Variants in HCN1 observed in about 807,000 individuals in gnomAD.
HCN1 encodes the protein potassium/sodium hyperpolarization-activated cyclic nucleotide-gated channel 1.
A neutral mutation model predicts 78.9 loss-of-function variants in HCN1; 13 were observed. That is an observed-to-expected ratio of 0.16 (90% CI 0.11 to 0.26). HCN1 has a LOEUF of 0.26. Ranked by LOEUF, HCN1 falls within the 10% of genes least tolerant of loss-of-function variation. The pLI is 1.00. For missense variants in HCN1, 810 were observed against 1,154.3 expected, an observed-to-expected ratio of 0.70 and a Z score of 4.32; for synonymous variants, 552 against 455.5, an observed-to-expected ratio of 1.21 and a Z score of -2.70.
chr5:45,562,777 A>T (rs1743631395), intron 2 of HCN1, among the ~76,000 whole-genome samples: 1 of 152,220 alleles, frequency 6.6e-6, no homozygotes, highest in South Asian at 2.1e-4. Context: ...TGCTTAACAA[A>T]TGTACGCAAA....
chr5:45,375,150 G>A (rs1379387539), intron 4 of HCN1, among the ~76,000 whole-genome samples: 28 of 106,582 alleles, frequency 2.6e-4, no homozygotes, highest in Non-Finnish European at 3.8e-4. Flanking sequence ...AATATATAAT[G>A]TATTATATAT....
chr5:45,579,920 T>C (rs1744024794), intron 2 of HCN1, among the ~76,000 whole-genome samples: 1 of 152,112 alleles, frequency 6.6e-6, no homozygotes, highest in East Asian at 1.9e-4. Context: ...AATGTTGACA[T>C]GTTAACTCCT....
chr5:45,422,452 A>C (rs1349397464), intron 3 of HCN1, among the ~76,000 whole-genome samples: 4 of 152,238 alleles, frequency 2.6e-5, no homozygotes, highest in African/African-American at 9.6e-5. Flanking sequence ...ATGTCATTGG[A>C]GCCTCTACCC....
At chr5:45,347,048 A>G (rs922031543) in intron 5 of HCN1, among the ~76,000 whole-genome samples, 4 of 152,346 alleles carry the variant, frequency 2.6e-5, no homozygotes, top group African/African-American at 4.8e-5. Context: ...ATCTGAGAAC[A>G]GGCAGACTGC....
intron 2 of HCN1, chr5:45,644,200 A>G (rs1745504101): frequency 6.6e-6 from 1 of 152,168 alleles, no homozygotes; most frequent in African/African-American, 2.4e-5. Context: ...GTATTTCTGT[A>G]GGGAGGAAAG....
At chr5:45,504,718 A>C (rs1742261800) in intron 2 of HCN1, among the ~76,000 whole-genome samples, 1 of 152,184 alleles carries the variant, frequency 6.6e-6, no homozygotes, top group Non-Finnish European at 1.5e-5. Context: ...TCCCACCAAC[A>C]GTGTAAAAGT....
intron 4 of HCN1, among the ~76,000 whole-genome samples, chr5:45,369,140 A>G (rs1326785160): frequency 6.6e-6 from 1 of 150,814 alleles, no homozygotes; most frequent in Non-Finnish European, 1.5e-5. Flanking sequence ...AGATATATTC[A>G]TGTTGTTGCA....
At chr5:45,678,201 G>A (rs557686917) in intron 1 of HCN1, among the ~76,000 whole-genome samples, 1 of 151,948 alleles carries the variant, frequency 6.6e-6, no homozygotes, top group East Asian at 1.9e-4. Flanking sequence ...ATTCCCTTAG[G>A]TGAAATATCC....
chr5:45,620,665 A>G (rs1406395602), intron 2 of HCN1, among the ~76,000 whole-genome samples: 1 of 151,988 alleles, frequency 6.6e-6, no homozygotes. Flanking sequence ...ACAAAAAATG[A>G]CCAAGCAAAT....
At position 45,305,383 on chromosome 5, in the gene HCN1, G is replaced by A. The variant is rs571320744; in HGVS notation, c.1378-1544C>T. On this transcript the variant is annotated intron_variant, in intron 5 of 7. Coordinates refer to ENST00000303230, the MANE Select transcript of HCN1 (RefSeq NM_021072.4). The stretch of plus-strand genomic sequence containing the variant: ...TATGAGTTTAGCAAAGCACAACAAT[G>A]TCTGTAATAGTGGAGCTTCATGGAA... 1.9e-4 allele frequency among the ~76,000 whole-genome samples: 29 copies of A among 152,258 alleles called. No individual in the cohort carries two copies. The South Asian group carries it at 5.6e-3, about 29-fold the overall frequency.
intron 6 of HCN1, among the ~76,000 whole-genome samples, chr5:45,282,848 T>C (rs1308171486): frequency 6.6e-6 from 1 of 152,186 alleles, no homozygotes; most frequent in African/African-American, 2.4e-5. Context: ...ATTCTTAAGG[T>C]CCTCTACATA....
At chr5:45,321,378 T>TA (rs1746123046) in intron 5 of HCN1, among the ~76,000 whole-genome samples, 1 of 151,818 alleles carries the variant, frequency 6.6e-6, no homozygotes, top group South Asian at 2.1e-4. Context: ...AAGTGGTGCT[T>TA]AGAGAGAGGA....
intron 5 of HCN1, among the ~76,000 whole-genome samples, chr5:45,336,041 T>G (rs559201228): frequency 6.6e-6 from 1 of 152,118 alleles, no homozygotes; most frequent in South Asian, 2.1e-4. Context: ...AAAAAGGATT[T>G]AAACTATCCC....
chr5:45,504,924 T>C lies in HCN1; in HGVS notation c.850-42917A>G, dbSNP rs1348071559. On this transcript the variant is annotated intron_variant, in intron 2 of 7. Coordinates refer to ENST00000303230, the MANE Select transcript of HCN1 (RefSeq NM_021072.4). Reference sequence around the variant, plus strand: ...TTTTGAGAAGTGTCTGTTCATATCCTTCGCCCACTTTTTGATGGGGTTGTT... The same window carrying C: ...TTTTGAGAAGTGTCTGTTCATATCCCTCGCCCACTTTTTGATGGGGTTGTT... Among the ~76,000 whole-genome samples the C allele has an allele frequency of 2.0e-5, 3 of 152,362 alleles. No individual in the cohort carries two copies. In the East Asian group the frequency reaches 5.8e-4, roughly 29 times the overall value.
chr5:45,586,115 C>G (rs993800179), intron 2 of HCN1, among the ~76,000 whole-genome samples: 2 of 152,134 alleles, frequency 1.3e-5, no homozygotes, highest in Admixed American at 1.3e-4. Flanking sequence ...ATGCTCTGCC[C>G]CCAGAGGTGG....
At chr5:45,506,461 T>G (rs1742303241) in intron 2 of HCN1, among the ~76,000 whole-genome samples, 1 of 152,168 alleles carries the variant, frequency 6.6e-6, no homozygotes, top group Admixed American at 6.6e-5. Flanking sequence ...AAATAACAAC[T>G]GACCACATTA....
chr5:45,553,782 T>A (rs958750217), intron 2 of HCN1, among the ~76,000 whole-genome samples: 1 of 151,970 alleles, frequency 6.6e-6, no homozygotes, highest in Non-Finnish European at 1.5e-5. Context: ...ACTACATTTT[T>A]ACTTGTTTTT....
At chr5:45,346,216 C>T (rs569630492) in intron 5 of HCN1, among the ~76,000 whole-genome samples, 1 of 152,188 alleles carries the variant, frequency 6.6e-6, no homozygotes, top group Non-Finnish European at 1.5e-5. Context: ...AATGTAGAAG[C>T]TACAGTTCAA....
intron 5 of HCN1, among the ~76,000 whole-genome samples, chr5:45,306,221 A>T (rs1745730995): frequency 1.3e-5 from 2 of 152,112 alleles, no homozygotes; most frequent in African/African-American, 4.8e-5. Context: ...TTCATATAAA[A>T]ATAATAGAGA....
Sources: allele counts gnomAD v4.1 joint callset (sites outside exome capture counted in the v4.1 genomes callset), GRCh38; gene constraint gnomAD v4.1.1; transcripts MANE v1.5; gene names NCBI Gene and HGNC (gene_info 2026-07-23, HGNC 2026-07-21).